The following KLF12 variants were observed in gnomAD, a reference collection of about 807,000 sequenced individuals.
KLF12 encodes the protein KLF transcription factor 12.
In KLF12, 9 loss-of-function variants were observed where a neutral mutation model predicts 37.8. The ratio of observed to expected loss-of-function variants is 0.24; its 90% CI spans 0.14 to 0.42. KLF12 has a LOEUF of 0.42. Among genes scored for constraint, KLF12 ranks in the 10% least tolerant of loss-of-function variants. The pLI is 1.00. For synonymous variants in KLF12, 208 were observed against 202.1 expected, an observed-to-expected ratio of 1.03 and a Z score of -0.25; for missense variants, 411 against 516.0, an observed-to-expected ratio of 0.80 and a Z score of 1.97.
chr13:74,259,794 G>A, the KLF12 span: 1 of 152,012 alleles, frequency 6.6e-6, no homozygotes, highest in South Asian at 2.1e-4. Flanking sequence ...ACTCCAAAAG[G>A]TCTGTCCTTT....
intron 1 of KLF12, among the ~76,000 whole-genome samples, chr13:74,105,181 A>G (rs1163336371): frequency 6.6e-6 from 1 of 152,206 alleles, no homozygotes; most frequent in Non-Finnish European, 1.5e-5. Flanking sequence ...ACAATTATGC[A>G]GACATGACGG....
the KLF12 span, among the ~76,000 whole-genome samples, chr13:74,194,212 A>C: frequency 1.3e-5 from 2 of 152,142 alleles, no homozygotes; most frequent in Non-Finnish European, 2.9e-5. Context: ...GGTGGTGGTG[A>C]AAAGGGTGCA....
intron 3 of KLF12, among the ~76,000 whole-genome samples, chr13:73,923,399 T>C (rs1889218416): frequency 6.6e-6 from 1 of 152,154 alleles, no homozygotes; most frequent in South Asian, 2.1e-4. Flanking sequence ...CTCCCAACTC[T>C]CACGGAGTTT....
intron 1 of KLF12, among the ~76,000 whole-genome samples, chr13:74,025,377 T>C (rs1251485728): frequency 6.6e-6 from 1 of 152,088 alleles, no homozygotes; most frequent in Non-Finnish European, 1.5e-5. Flanking sequence ...TGTCATTGCT[T>C]CCCAACTACT....
intron 1 of KLF12, among the ~76,000 whole-genome samples, chr13:74,101,030 A>G (rs1420508987): frequency 2.0e-5 from 3 of 152,156 alleles, no homozygotes; most frequent in South Asian, 2.1e-4. Flanking sequence ...ACCCACCCAG[A>G]GAGAATTTTC....
chr13:74,290,416 C>T, the KLF12 span, among the ~76,000 whole-genome samples: 336 of 152,256 alleles, frequency 2.2e-3, 3 homozygotes, highest in African/African-American at 7.7e-3. Context: ...CAATGCAAAG[C>T]GAATTTGAGA....
the KLF12 span, among the ~76,000 whole-genome samples, chr13:74,265,576 G>A: frequency 9.2e-5 from 14 of 152,292 alleles, no homozygotes; most frequent in African/African-American, 3.1e-4. Context: ...AATTACACAT[G>A]TCTGTTATAG....
intron 1 of KLF12, among the ~76,000 whole-genome samples, chr13:74,130,064 T>G (rs1053989558): frequency 2.0e-5 from 3 of 152,218 alleles, no homozygotes; most frequent in African/African-American, 4.8e-5. Flanking sequence ...GTTGACCTTC[T>G]GGGCATAGGG....
intron 1 of KLF12, among the ~76,000 whole-genome samples, chr13:74,042,903 C>T (rs1456031718): frequency 6.6e-6 from 1 of 152,060 alleles, no homozygotes; most frequent in African/African-American, 2.4e-5. Flanking sequence ...ACCTCAATAT[C>T]CCAGGAGACA....
At chr13:74,134,408 G>A (rs888967502), upstream of KLF12, among the ~76,000 whole-genome samples, 3 of 151,850 alleles carry the variant, frequency 2.0e-5, no homozygotes, top group Non-Finnish European at 2.9e-5. Flanking sequence ...TGAGTGTGAT[G>A]GTTGAAATCC....
At chr13:74,188,547 T>C in the KLF12 span, among the ~76,000 whole-genome samples, 1 of 152,202 alleles carries the variant, frequency 6.6e-6, no homozygotes, top group South Asian at 2.1e-4. Context: ...TTATTGTACC[T>C]GGCAAAACAT....
chr13:74,302,915 C>T, the KLF12 span, among the ~76,000 whole-genome samples: 6 of 152,188 alleles, frequency 3.9e-5, no homozygotes, highest in East Asian at 1.2e-3. Context: ...GGGTCAGGGC[C>T]TCCTAATTTT....
intron 3 of KLF12, among the ~76,000 whole-genome samples, chr13:73,853,745 A>G (rs1449309627): frequency 6.6e-6 from 1 of 152,170 alleles, no homozygotes; most frequent in Non-Finnish European, 1.5e-5. Flanking sequence ...TCTAAAAAAA[A>G]AAAAAAAATG....
At chr13:74,179,949 G>T in the KLF12 span, among the ~76,000 whole-genome samples, 1 of 152,200 alleles carries the variant, frequency 6.6e-6, no homozygotes, top group Non-Finnish European at 1.5e-5. Flanking sequence ...GGAAGAAATA[G>T]CTTACAGGAG....
At chr13:74,135,444 GC>G (rs1878513865), upstream of KLF12, among the ~76,000 whole-genome samples, 4 of 151,974 alleles carry the variant, frequency 2.6e-5, 1 homozygote, top group Admixed American at 2.6e-4. Flanking sequence ...CCGCCTCCGC[GC>G]CCCGGGGAGC....
chr13:73,958,098 C>A (rs909152741), intron 2 of KLF12, among the ~76,000 whole-genome samples: 1 of 152,156 alleles, frequency 6.6e-6, no homozygotes, highest in Admixed American at 6.5e-5. Context: ...GCAGCTGAGA[C>A]ATGACTAGTC....
chr13:73,879,594 T>C (rs1295730126), intron 3 of KLF12, among the ~76,000 whole-genome samples: 1 of 152,208 alleles, frequency 6.6e-6, no homozygotes, highest in Non-Finnish European at 1.5e-5. Flanking sequence ...AGGGGAGGTA[T>C]ATAAACACAC....
At chr13:74,123,740 T>C (rs1204229963) in intron 1 of KLF12, among the ~76,000 whole-genome samples, 2 of 152,250 alleles carry the variant, frequency 1.3e-5, no homozygotes, top group Non-Finnish European at 2.9e-5. Context: ...CTAGTGACAC[T>C]TCTTTTATGT....
At chr13:73,944,819 C>T (rs1200105658) in intron 2 of KLF12, among the ~76,000 whole-genome samples, 1 of 152,110 alleles carries the variant, frequency 6.6e-6, no homozygotes, top group Non-Finnish European at 1.5e-5. Context: ...TAATTGTCAC[C>T]GCCTTGGGGA....
Sources: allele counts gnomAD v4.1 joint callset (sites outside exome capture counted in the v4.1 genomes callset), GRCh38; gene constraint gnomAD v4.1.1; transcripts MANE v1.5; gene names NCBI Gene and HGNC (gene_info 2026-07-23, HGNC 2026-07-21).